The following MAGI3 variants were observed in gnomAD, a reference collection of about 807,000 sequenced individuals.
The protein encoded by MAGI3 is membrane associated guanylate kinase, WW and PDZ domain containing 3.
MAGI3 carries 43 observed loss-of-function variants against 121.8 expected under a neutral mutation model. That is an observed-to-expected ratio of 0.35 (90% CI 0.28 to 0.46). The LOEUF is 0.46. Ranked by LOEUF, MAGI3 falls within the 20% of genes least tolerant of loss-of-function variation. The pLI is 1.00. For missense variants in MAGI3, 1,547 were observed against 1,797.3 expected, an observed-to-expected ratio of 0.86 and a Z score of 2.52; for synonymous variants, 553 against 639.3, an observed-to-expected ratio of 0.86 and a Z score of 2.04.
intron 2 of MAGI3, among the ~76,000 whole-genome samples, chr1:113,550,114 TA>T (rs746718813): frequency 7.2e-3 from 506 of 70,100 alleles, no homozygotes; most frequent in Middle Eastern, 0.015. Context: ...ATACTCTGTC[TA>T]AAAAAAAAAA....
intron 1 of MAGI3, among the ~76,000 whole-genome samples, chr1:113,481,614 A>G (rs141436490): frequency 3.4e-4 from 52 of 152,212 alleles, no homozygotes; most frequent in African/African-American, 1.2e-3. Flanking sequence ...ATTTGTTATT[A>G]CTATTGGCAA....
At chr1:113,535,467 T>C (rs1450676418) in intron 1 of MAGI3, among the ~76,000 whole-genome samples, 2 of 151,802 alleles carry the variant, frequency 1.3e-5, no homozygotes, top group East Asian at 3.9e-4. Flanking sequence ...CACCTTCCTC[T>C]TTTTTTTAAC....
chr1:113,565,042 G>A (rs1165505709), intron 2 of MAGI3, among the ~76,000 whole-genome samples: 2 of 151,588 alleles, frequency 1.3e-5, no homozygotes, highest in Non-Finnish European at 2.9e-5. Flanking sequence ...TAGAGATGGG[G>A]TTTCACCATG....
At chr1:113,407,301 G>T (rs1447175636) in intron 1 of MAGI3, among the ~76,000 whole-genome samples, 1 of 152,078 alleles carries the variant, frequency 6.6e-6, no homozygotes, top group Admixed American at 6.6e-5. Flanking sequence ...GAAGTGGATA[G>T]ATTTGAGATA....
intron 1 of MAGI3, among the ~76,000 whole-genome samples, chr1:113,534,583 T>C (rs1393079047): frequency 1.3e-5 from 2 of 152,200 alleles, no homozygotes; most frequent in Non-Finnish European, 2.9e-5. Flanking sequence ...CTATGTACCT[T>C]GTACATGCTT....
chr1:113,549,489 GT>G (rs763944707), intron 1 of MAGI3, 25 bp from the exon 2 acceptor site: 41,268 of 972,180 alleles, frequency 0.042, no homozygotes, highest in South Asian at 0.064. Flanking sequence ...TTTATTTTCT[GT>G]TTTTTTTTTT....
intron 6 of MAGI3, among the ~76,000 whole-genome samples, chr1:113,606,075 C>G (rs1257992865): frequency 3.3e-5 from 5 of 152,052 alleles, no homozygotes; most frequent in African/African-American, 1.2e-4. Context: ...AAGTGATTCT[C>G]GTGCCTCAGC....
intron 1 of MAGI3, among the ~76,000 whole-genome samples, chr1:113,475,039 G>T (rs961697477): frequency 1.3e-5 from 2 of 152,088 alleles, no homozygotes; most frequent in Non-Finnish European, 2.9e-5. Context: ...GGCTCTGTTT[G>T]TCTGTTAATG....
At chr1:113,608,225 G>A (rs1015873366) in intron 6 of MAGI3, among the ~76,000 whole-genome samples, 5 of 151,992 alleles carry the variant, frequency 3.3e-5, no homozygotes, top group African/African-American at 1.2e-4. Flanking sequence ...GGGAAAGAGG[G>A]AAGAGAGGGA....
intron 1 of MAGI3, among the ~76,000 whole-genome samples, chr1:113,435,928 A>G (rs956640383): frequency 4.6e-5 from 7 of 152,150 alleles, no homozygotes; most frequent in Admixed American, 4.6e-4. Flanking sequence ...TTTTAAAGGT[A>G]CTTATAGCAT....
chr1:113,659,244 C>T lies in MAGI3; in HGVS notation c.2794C>T (p.Leu932=). The T allele has an allele frequency of 6.2e-7, 1 of 1,613,802 alleles. No homozygotes were observed. Among genetic ancestry groups the T allele is most frequent in the Non-Finnish European group, 8.5e-7 (1 of 1,179,900 alleles). Reference sequence around the variant, plus strand: ...CAAAGATGCTGGTGTCACCGTCACACTAACGGTCATTGCTGAAGAAGGTAA... The same window carrying T: ...CAAAGATGCTGGTGTCACCGTCACATTAACGGTCATTGCTGAAGAAGGTAA... ...LIKDAGVTVT[L]TVIAEEEHHG... is the part of the protein sequence containing the mutation. The change falls in exon 16 of 21, where the codon CTA becomes TTA. Residue 932 remains leucine (L), a synonymous_variant. Coordinates refer to ENST00000307546, the MANE Select transcript of MAGI3 (RefSeq NM_001142782.2).
Position 113,641,975 on chromosome 1 carries a change from G to T in MAGI3, c.1425G>T (p.Gln475His), listed in dbSNP as rs1245755372. 1 of 1,613,674 alleles carries T rather than the reference G, an allele frequency of 6.2e-7. No individual in the cohort carries two copies. The highest frequency in any genetic ancestry group is 8.5e-7 in the Non-Finnish European group (1 of 1,179,614). The change falls in exon 10 of 21, where the codon CAG (glutamine) becomes CAT (histidine). Residue 475 changes from glutamine (Q) to histidine (H), a missense_variant. Transcript: ENST00000307546. ...VLGHTHADVV[Q>H]MFQLVPVNQY... is the part of the protein sequence containing the mutation. ...GTCACACTCATGCAGATGTTGTCCA[G>T]ATGTTTCAATTGGTACCTGTCAATC...
At chr1:113,579,348 G>A (rs769241500) in intron 2 of MAGI3, among the ~76,000 whole-genome samples, 7 of 152,134 alleles carry the variant, frequency 4.6e-5, no homozygotes, top group Non-Finnish European at 7.4e-5. Context: ...ACATGACAAC[G>A]ACCTTGAAAG....
At chr1:113,569,886 T>C (rs1212472681) in intron 2 of MAGI3, among the ~76,000 whole-genome samples, 3 of 152,296 alleles carry the variant, frequency 2.0e-5, no homozygotes, top group Admixed American at 6.5e-5. Context: ...TTTTATTTTT[T>C]ATTATACTTT....
intron 1 of MAGI3, among the ~76,000 whole-genome samples, chr1:113,514,424 A>G (rs919409441): frequency 6.6e-6 from 1 of 152,090 alleles, no homozygotes; most frequent in African/African-American, 2.4e-5. Flanking sequence ...GCACATATAC[A>G]CCATGGAATA....
At chr1:113,513,296 CA>C (rs894122515) in intron 1 of MAGI3, among the ~76,000 whole-genome samples, 1 of 151,730 alleles carries the variant, frequency 6.6e-6, no homozygotes, top group African/African-American at 2.4e-5. Flanking sequence ...CATATGGAAT[CA>C]AAAAAAAGAC....
intron 14 of MAGI3, 107 bp downstream of exon 14, chr1:113,651,313 G>GA: frequency 9.4e-7 from 1 of 1,069,324 alleles, no homozygotes; most frequent in Non-Finnish European, 1.3e-6. Flanking sequence ...TAGTATCTAA[G>GA]ATAACCCATT....
intron 1 of MAGI3, among the ~76,000 whole-genome samples, chr1:113,421,838 G>A (rs1464153251): frequency 2.0e-5 from 3 of 151,802 alleles, no homozygotes; most frequent in East Asian, 1.9e-4. Context: ...CTTGCTATAC[G>A]CTAATGTCTG....
In MAGI3 at chr1:113,398,471, T is replaced by TTAATTAAACCGAACTTAATAACCGA. The variant is rs1651234059; in HGVS notation, c.316+7122_316+7123insTAATTAAACCGAACTTAATAACCGA. On this transcript the variant is annotated intron_variant, in intron 1 of 20. Transcript: ENST00000307546. ...TATACAATGTGAACGGTAACCGATC[T>TTAATTAAACCGAACTTAATAACCGA]ACTTAATTAAAACTTTCTGGCATTT... is the stretch of plus-strand genomic sequence containing the variant. Among the ~76,000 whole-genome samples, 4 of 152,200 alleles carry TTAATTAAACCGAACTTAATAACCGA rather than the reference T, an allele frequency of 2.6e-5. No individual in the cohort carries two copies. In the South Asian group the frequency reaches 8.3e-4, roughly 31 times the overall value.
Sources: gnomAD v4.1 joint callset for allele counts (sites outside exome capture counted in the v4.1 genomes callset) on GRCh38, gnomAD v4.1.1 for gene constraint, MANE v1.5 for transcripts, NCBI Gene and HGNC (gene_info 2026-07-23, HGNC 2026-07-21) for gene names.